Variants in GALNT18 observed in about 807,000 individuals in gnomAD.
GALNT18 encodes the protein GalNAc-transferase 18.
In GALNT18, 44 loss-of-function variants were observed where a neutral mutation model predicts 69.5. The observed-to-expected ratio is 0.63, with a 90% confidence interval of 0.50 to 0.81. The LOEUF is 0.81. GALNT18 is among the 40% of genes least tolerant of loss of function. GALNT18 has a pLI of 0.00. For missense variants in GALNT18, 715 were observed against 810.0 expected (o/e 0.88, Z 1.42); for synonymous variants, 364 against 318.2 (o/e 1.14, Z -1.53).
At chr11:11,503,028 G>A (rs1033880696) in intron 1 of GALNT18, among the ~76,000 whole-genome samples, 1 of 152,212 alleles carries the variant, frequency 6.6e-6, no homozygotes, top group Non-Finnish European at 1.5e-5. Flanking sequence ...CATGGAAGAA[G>A]AGGGCTTCCT....
chr11:11,419,771 A>G (rs2220315), intron 3 of GALNT18, among the ~76,000 whole-genome samples: 79,714 of 151,644 alleles, frequency 0.53, 23,066 homozygotes, highest in East Asian at 0.81. Context: ...GGCTGCCTTT[A>G]CGTCTCCTCC....
At chr11:11,319,102 T>A (rs73417684) in intron 9 of GALNT18, among the ~76,000 whole-genome samples, 4,098 of 147,638 alleles carry the variant, frequency 0.028, 215 homozygotes, top group African/African-American at 0.1. Context: ...TTAACCGTCT[T>A]ACTTAGAAAA....
At chr11:11,353,899 C>G (rs1850472961) in intron 6 of GALNT18, among the ~76,000 whole-genome samples, 1 of 152,124 alleles carries the variant, frequency 6.6e-6, no homozygotes, top group Admixed American at 6.5e-5. Flanking sequence ...GTGGCCAAGC[C>G]TGGGGAGCAG....
At chr11:11,419,070 C>T (rs965642073) in intron 3 of GALNT18, among the ~76,000 whole-genome samples, 3 of 152,174 alleles carry the variant, frequency 2.0e-5, no homozygotes, top group Non-Finnish European at 4.4e-5. Flanking sequence ...GTATGGGCAC[C>T]GGCGATGGAA....
chr11:11,501,465 C>G (rs1418251662), intron 1 of GALNT18, among the ~76,000 whole-genome samples: 5 of 152,146 alleles, frequency 3.3e-5, no homozygotes, highest in African/African-American at 9.7e-5. Flanking sequence ...ATTAAGGCAT[C>G]AGAGGTGATT....
intron 3 of GALNT18, among the ~76,000 whole-genome samples, chr11:11,401,333 C>G (rs1277999144): frequency 6.6e-6 from 1 of 152,184 alleles, no homozygotes; most frequent in African/African-American, 2.4e-5. Context: ...GATCAACCTC[C>G]TGGAGGTAGC....
At chr11:11,479,408 A>C (rs1408870809) in intron 1 of GALNT18, among the ~76,000 whole-genome samples, 1 of 152,188 alleles carries the variant, frequency 6.6e-6, no homozygotes, top group African/African-American at 2.4e-5. Flanking sequence ...ATAATAAGAA[A>C]TCAATACATA....
rs78861033 is a variant in GALNT18, at chr11:11,589,586, G to T, written c.235+31773C>A. Among the ~76,000 whole-genome samples, 739 of 148,928 alleles carry T rather than the reference G, an allele frequency of 5.0e-3. 6 individuals are homozygous for T. The highest frequency in any genetic ancestry group is 0.017 in the African/African-American group (712 of 40,822). On this transcript the variant is annotated intron_variant, in intron 1 of 10. Coordinates refer to ENST00000227756, the MANE Select transcript of GALNT18 (RefSeq NM_198516.3). ...CGAGAGGCATTCAGCAGTTTTAGGGGTTTTTTTTTTTAAGGCCTTTAAACA... is the reference window on the plus strand; with the variant it reads ...CGAGAGGCATTCAGCAGTTTTAGGGTTTTTTTTTTTTAAGGCCTTTAAACA...
intron 1 of GALNT18, among the ~76,000 whole-genome samples, chr11:11,578,330 C>CAAAAAAAAAAAAAAAA (rs57579910): frequency 8.3e-6 from 1 of 120,608 alleles, no homozygotes; most frequent in Non-Finnish European, 1.6e-5. Context: ...TAAAAAGAAC[C>CAAAAAAAAAAAAAAAA]AAAAAAAAAA....
chr11:11,561,445 T>A (rs1858503310), intron 1 of GALNT18, among the ~76,000 whole-genome samples: 1 of 152,176 alleles, frequency 6.6e-6, no homozygotes, highest in Non-Finnish European at 1.5e-5. Context: ...CCTGGGGAAG[T>A]CACTTAAGCA....
At chr11:11,289,418 C>A (rs79605771) in intron 10 of GALNT18, among the ~76,000 whole-genome samples, 6,222 of 152,206 alleles carry the variant, frequency 0.041, 429 homozygotes, top group African/African-American at 0.14. Context: ...GCCCAGTCAC[C>A]GAAGAGCCTT....
In GALNT18 at chr11:11,436,182, C is replaced by T. The variant is rs1855398177; in HGVS notation, c.429-3395G>A. Among the ~76,000 whole-genome samples, 2 of 152,260 alleles carry T rather than the reference C, an allele frequency of 1.3e-5. No homozygotes were observed. The highest frequency in any genetic ancestry group is 4.8e-5 in the African/African-American group (2 of 41,472). ...AGTCACCCAGGTGCTGTTCCCAGTT[C>T]TGCCCCACCTTGCTGTGTGACCATG... is the stretch of plus-strand genomic sequence containing the variant. On this transcript the variant is annotated intron_variant, in intron 2 of 10. Coordinates refer to ENST00000227756, the MANE Select transcript of GALNT18 (RefSeq NM_198516.3). The surrounding 1 kb of genome is among the most constrained non-coding windows in gnomAD (Gnocchi z 4.5).
In GALNT18 at chr11:11,584,426, G is replaced by T. The variant is rs1859166430; in HGVS notation, c.235+36933C>A. Among the ~76,000 whole-genome samples, 1 of 152,214 alleles carries T rather than the reference G, an allele frequency of 6.6e-6. No homozygotes were observed. Among genetic ancestry groups the T allele is most frequent in the Non-Finnish European group, 1.5e-5 (1 of 68,042 alleles). ...TACTGTTGGAAAGCTGATGGGAGAT[G>T]CCGTAAGAGAAATGGGTTCCTATTC... is the stretch of plus-strand genomic sequence containing the variant. On this transcript the variant is annotated intron_variant, in intron 1 of 10. Transcript: ENST00000227756. The surrounding 1 kb of genome is among the most constrained non-coding windows in gnomAD (Gnocchi z 4.1).
rs574792514 is a variant in GALNT18, at chr11:11,436,939, G to T, written c.429-4152C>A. ...GGCCTGGCAACCCAGCACTGACCCA[G>T]TGGCCTTTGCTCCCAAATCTGTACT... On this transcript the variant is annotated intron_variant, in intron 2 of 10. Coordinates refer to ENST00000227756, the MANE Select transcript of GALNT18 (RefSeq NM_198516.3). This position sits in a 1 kb window ranked among gnomAD's most constrained non-coding sequence, Gnocchi z 4.5. Among the ~76,000 whole-genome samples, 3 of 152,186 alleles carry T rather than the reference G, an allele frequency of 2.0e-5. No individual in the cohort carries two copies. Among genetic ancestry groups the T allele is most frequent in the Non-Finnish European group, 2.9e-5 (2 of 68,030 alleles).
At chr11:11,441,920 T>C (rs1855539546) in intron 2 of GALNT18, among the ~76,000 whole-genome samples, 2 of 152,242 alleles carry the variant, frequency 1.3e-5, no homozygotes, top group Admixed American at 6.5e-5. Context: ...GCCTTTCTTC[T>C]TCCAGGATCC....
rs548085706 is a variant in GALNT18, at chr11:11,571,049, AC to A, written c.235+50309del. On this transcript the variant is annotated intron_variant, in intron 1 of 10. Transcript: ENST00000227756. Reference sequence around the variant, plus strand: ...ATGCTAAACTGAGTCACCATGGGCCACCCTAAGAACCTCCTAATTTGTTGCC... The same window carrying A: ...ATGCTAAACTGAGTCACCATGGGCCACCTAAGAACCTCCTAATTTGTTGCC... 3.2e-4 allele frequency among the ~76,000 whole-genome samples: 49 copies of A among 152,306 alleles called. No homozygotes were observed. The South Asian group carries it at 0.01, about 32-fold the overall frequency.
chr11:11,289,812 C>T (rs2132999884), intron 10 of GALNT18, among the ~76,000 whole-genome samples: 1 of 152,258 alleles, frequency 6.6e-6, no homozygotes, highest in South Asian at 2.1e-4. Flanking sequence ...AGTGAATCTA[C>T]CACTCTCAGG....
chr11:11,603,375 G>A lies in GALNT18; in HGVS notation c.235+17984C>T, dbSNP rs1859677274. Among the ~76,000 whole-genome samples, 1 of 152,180 alleles carries A rather than the reference G, an allele frequency of 6.6e-6. No individual in the cohort carries two copies. The highest frequency in any genetic ancestry group is 2.1e-4 in the South Asian group (1 of 4,830). On this transcript the variant is annotated intron_variant, in intron 1 of 10. Coordinates refer to ENST00000227756, the MANE Select transcript of GALNT18 (RefSeq NM_198516.3). The surrounding 1 kb of genome is among the most constrained non-coding windows in gnomAD (Gnocchi z 4.5). ...TCAGCTAAAGCCTAACTGTATGTATGTGGCCAAAGGGAGTGTGGCCTGCCA... is the reference window on the plus strand; with the variant it reads ...TCAGCTAAAGCCTAACTGTATGTATATGGCCAAAGGGAGTGTGGCCTGCCA...
intron 9 of GALNT18, among the ~76,000 whole-genome samples, chr11:11,307,409 A>G (rs1849597105): frequency 6.6e-6 from 1 of 152,226 alleles, no homozygotes; most frequent in African/African-American, 2.4e-5. Flanking sequence ...TGCTTTATAC[A>G]TACTTATTTA....
Sources: allele counts gnomAD v4.1 joint callset (sites outside exome capture counted in the v4.1 genomes callset), GRCh38; gene constraint gnomAD v4.1.1; non-coding constraint Gnocchi (gnomAD v3.1); transcripts MANE v1.5; gene names NCBI Gene and HGNC (gene_info 2026-07-23, HGNC 2026-07-21).